The following P4HA3 variants were observed in gnomAD, a reference collection of about 807,000 sequenced individuals.
P4HA3 encodes the protein prolyl 4-hydroxylase subunit alpha 3.
A neutral mutation model predicts 66.7 loss-of-function variants in P4HA3; 60 were observed. The ratio of observed to expected loss-of-function variants is 0.90; its 90% CI spans 0.73 to 1.12. P4HA3 has a LOEUF of 1.12. P4HA3 is among the 50% of genes most tolerant of loss of function. P4HA3 has a pLI of 0.00. For synonymous variants in P4HA3, 263 were observed against 274.6 expected, an observed-to-expected ratio of 0.96 and a Z score of 0.42; for missense variants, 683 against 685.8, an observed-to-expected ratio of 1.00 and a Z score of 0.05.
chr11:74,286,677 G>C (rs1860811985), intron 5 of P4HA3, among the ~76,000 whole-genome samples: 1 of 152,162 alleles, frequency 6.6e-6, no homozygotes, highest in Admixed American at 6.5e-5. Context: ...CATGAAGATG[G>C]CTGCTCTGGG....
chr11:74,286,079 A>G, intron 6 of P4HA3, 94 bp from the exon 7 acceptor site: 1 of 1,496,752 alleles, frequency 6.7e-7, no homozygotes, highest in Admixed American at 1.8e-5. Context: ...TTGGAATGCA[A>G]GAGATACAGA....
intron 15 of P4HA3, chr11:74,252,610 T>C (rs1859731951): frequency 2.2e-6 from 1 of 449,098 alleles, no homozygotes; most frequent in Admixed American, 2.4e-5. Flanking sequence ...AATTCTTCAT[T>C]GTGGGGACTG....
At chr11:74,276,957 G>A (rs770689118) in intron 9 of P4HA3, 28 bp downstream of exon 9, 4 of 1,594,014 alleles carry the variant, frequency 2.5e-6, no homozygotes, top group Non-Finnish European at 3.4e-6. Context: ...CCCTACCCCA[G>A]GGGATTGGTC....
At chr11:74,273,516 T>C (rs1860278072) in intron 10 of P4HA3, 29 bp downstream of exon 10, 2 of 1,467,708 alleles carry the variant, frequency 1.4e-6, no homozygotes, top group African/African-American at 1.5e-5. Context: ...TAGTCAGTCA[T>C]GAAGTAAGAA....
intron 4 of P4HA3, among the ~76,000 whole-genome samples, chr11:74,291,851 A>G (rs1225552447): frequency 2.0e-5 from 3 of 152,078 alleles, no homozygotes; most frequent in African/African-American, 7.2e-5. Flanking sequence ...GTTTGCCAGT[A>G]TTTTATTGAG....
chr11:74,253,706 C>T, intron 15 of P4HA3: 1 of 644,082 alleles, frequency 1.6e-6, no homozygotes, highest in Non-Finnish European at 2.7e-6. Context: ...CCTTGACCAA[C>T]ATCGGCTTCC....
intron 5 of P4HA3, among the ~76,000 whole-genome samples, 170 bp downstream of exon 5, chr11:74,288,909 A>G (rs972402289): frequency 6.8e-6 from 1 of 148,018 alleles, no homozygotes; most frequent in Non-Finnish European, 1.5e-5. Context: ...AGATCGCGCC[A>G]CTGCACTCCA....
intron 4 of P4HA3, among the ~76,000 whole-genome samples, chr11:74,294,251 C>A: frequency 6.6e-6 from 1 of 152,216 alleles, no homozygotes; most frequent in Admixed American, 6.5e-5. Flanking sequence ...GCTACTGAGG[C>A]TTCTGCATTC....
intron 5 of P4HA3, 131 bp downstream of exon 5, chr11:74,288,948 C>CAAAAA (rs36086552): frequency 2.2e-5 from 8 of 362,260 alleles, no homozygotes; most frequent in Admixed American, 7.1e-5. Flanking sequence ...GATGCCATCT[C>CAAAAA]AAAAAAAAAA....
At chr11:74,276,218 G>A (rs1050015103) in intron 9 of P4HA3, among the ~76,000 whole-genome samples, 6 of 152,148 alleles carry the variant, frequency 3.9e-5, no homozygotes, top group Non-Finnish European at 7.4e-5. Context: ...CAATAGTTGG[G>A]TGATGGGTAC....
intron 11 of P4HA3, among the ~76,000 whole-genome samples, chr11:74,269,159 T>C (rs1167742781): frequency 6.6e-6 from 1 of 151,040 alleles, no homozygotes; most frequent in Non-Finnish European, 1.5e-5. Context: ...TACTCATTCA[T>C]GAAGCAAACC....
chr11:74,289,169 C>A (rs1454104165), intron 4 of P4HA3, 39 bp from the exon 5 acceptor site: 3 of 1,458,370 alleles, frequency 2.1e-6, no homozygotes, highest in East Asian at 2.5e-5. Context: ...GCATTAACTT[C>A]ACTGAGGATA....
intron 4 of P4HA3, among the ~76,000 whole-genome samples, chr11:74,292,477 C>T (rs573135790): frequency 6.6e-6 from 1 of 152,166 alleles, no homozygotes; most frequent in East Asian, 1.9e-4. Flanking sequence ...TTATTTCTTG[C>T]CTTCTGCTAG....
At chr11:74,283,862 G>A (rs1860692153) in intron 7 of P4HA3, among the ~76,000 whole-genome samples, 1 of 152,074 alleles carries the variant, frequency 6.6e-6, no homozygotes, top group Non-Finnish European at 1.5e-5. Flanking sequence ...TTCTTTAGAG[G>A]AAGCCTTGCT....
intron 11 of P4HA3, among the ~76,000 whole-genome samples, chr11:74,268,988 G>A (rs189655096): frequency 1.3e-3 from 200 of 152,332 alleles, no homozygotes; most frequent in Non-Finnish European, 2.6e-3. Context: ...TCAAGCTCCT[G>A]AGTATTCAGA....
intron 4 of P4HA3, among the ~76,000 whole-genome samples, chr11:74,290,682 C>A (rs1349471022): frequency 1.3e-5 from 2 of 152,142 alleles, no homozygotes; most frequent in Non-Finnish European, 2.9e-5. Flanking sequence ...GTTTTCCCAG[C>A]ACCATTTATT....
chr11:74,263,398 T>TA (rs1363229684), downstream of P4HA3, among the ~76,000 whole-genome samples: 2 of 152,186 alleles, frequency 1.3e-5, no homozygotes, highest in Non-Finnish European at 2.9e-5. Flanking sequence ...CCCCCTGCCC[T>TA]AAAATTATTG....
chr11:74,276,912 A>T, intron 9 of P4HA3, 73 bp downstream of exon 9: 1 of 1,419,472 alleles, frequency 7.0e-7, no homozygotes, highest in Non-Finnish European at 9.5e-7. Context: ...AGCCTACAAG[A>T]GCTCTGCCTC....
intron 4 of P4HA3, among the ~76,000 whole-genome samples, chr11:74,296,922 TTTTC>T (rs1472999600): frequency 7.2e-6 from 1 of 137,932 alleles, no homozygotes; most frequent in Non-Finnish European, 1.6e-5. Context: ...ACAGTTTTTT[TTTTC>T]TTTTTTTCTT....
Sources: allele counts gnomAD v4.1 joint callset (sites outside exome capture counted in the v4.1 genomes callset), GRCh38; gene constraint gnomAD v4.1.1; transcripts MANE v1.5; gene names NCBI Gene and HGNC (gene_info 2026-07-23, HGNC 2026-07-21).